TCF20: variants seen among roughly 807,000 people sequenced by gnomAD.
TCF20 encodes transcription factor 20, also known as SPRE-binding protein.
In TCF20, 3 loss-of-function variants were observed where a neutral mutation model predicts 148.6. The ratio of observed to expected loss-of-function variants is 0.02; its 90% confidence interval spans 0.01 to 0.05. TCF20 has a LOEUF of 0.05. TCF20 is among the 10% of genes least tolerant of loss of function. The pLI is 1.00. For synonymous variants in TCF20, 1,049 were observed against 909.5 expected, an observed-to-expected ratio of 1.15 and a Z score of -2.76; for missense variants, 2,350 against 2,429.3, an observed-to-expected ratio of 0.97 and a Z score of 0.69.
chr22:42,171,538 T>C (rs1411060150), intron 3 of TCF20, among the ~76,000 whole-genome samples: 1 of 152,196 alleles, frequency 6.6e-6, no homozygotes, highest in Non-Finnish European at 1.5e-5. Flanking sequence ...GCAGCCTTCT[T>C]GGCTCCGTGG....
intron 2 of TCF20, among the ~76,000 whole-genome samples, chr22:42,185,681 C>CT (rs770350558): frequency 7.9e-5 from 12 of 152,192 alleles, no homozygotes; most frequent in Non-Finnish European, 1.5e-4. Context: ...ACTCTGCATC[C>CT]TATCAAGCTT....
At chr22:42,232,852 CAAAT>C (rs956766997) in intron 1 of TCF20, among the ~76,000 whole-genome samples, 3 of 145,106 alleles carry the variant, frequency 2.1e-5, no homozygotes, top group Non-Finnish European at 3.1e-5. Context: ...AATTTTAAAA[CAAAT>C]AAAATTTAAA....
intron 2 of TCF20, among the ~76,000 whole-genome samples, chr22:42,182,276 T>C (rs957131664): frequency 1.3e-5 from 2 of 152,180 alleles, no homozygotes; most frequent in Non-Finnish European, 2.9e-5. Flanking sequence ...CCTACAGACG[T>C]GGGACTAATA....
Position 42,209,720 on chromosome 22 carries a change from G to A in TCF20, c.5586C>T (p.Ala1862=), listed in dbSNP as rs750038982. 16 of 1,614,140 alleles carry A rather than the reference G, an allele frequency of 9.9e-6. No homozygotes were observed. In the Admixed American group the frequency reaches 2.5e-4, roughly 25 times the overall value. The change falls in exon 2 of 6, where the codon GCC becomes GCT. Residue 1862 remains alanine (A), a synonymous_variant. Transcript: ENST00000677622. ...FWVHEGCILW[A]NGIYLVCGRL... is the part of the protein sequence containing the mutation. ...TGCCACAAACCAGGTAGATTCCATT[G>A]GCCCAGAGAATACAACCCTCATGGA...
intron 1 of TCF20, among the ~76,000 whole-genome samples, chr22:42,319,749 C>T (rs919404107): frequency 1.3e-5 from 2 of 152,174 alleles, no homozygotes; most frequent in Non-Finnish European, 2.9e-5. Context: ...AGCCCTTCTT[C>T]ACACCCTGCA....
rs772527561 is a variant in TCF20, at chr22:42,210,372, G to A, written c.4934C>T (p.Ala1645Val). Reference sequence around the variant, plus strand: ...CTCAGCATTGATGATTGTACAAACGGCTCCAAGTTCACACTTATTTACTAC... The same window carrying A: ...CTCAGCATTGATGATTGTACAAACGACTCCAAGTTCACACTTATTTACTAC... ...IHVVNKCELG[A>V]VCTIINAEEE... The change falls in exon 2 of 6, where the codon GCC becomes GTC. Residue 1645 changes from alanine (A) to valine (V), a missense_variant. Around this residue, in one of 7 missense-constraint regions of TCF20, gnomAD observed 374 missense variants for 398.3 expected, o/e 0.94. Coordinates refer to ENST00000677622, the MANE Select transcript of TCF20 (RefSeq NM_001378418.1). This position sits in a 1 kb window ranked among gnomAD's most constrained non-coding sequence, Gnocchi z 4.7. 46 of 1,614,144 alleles carry A rather than the reference G, an allele frequency of 2.8e-5. No homozygotes were observed. The highest frequency in any genetic ancestry group is 3.6e-5 in the Non-Finnish European group (43 of 1,180,040).
chr22:42,320,173 C>T (rs1190722142), intron 1 of TCF20, among the ~76,000 whole-genome samples: 1 of 152,246 alleles, frequency 6.6e-6, no homozygotes, highest in Non-Finnish European at 1.5e-5. Flanking sequence ...AGTCACCCGC[C>T]TTCTGGCTGT....
chr22:42,250,918 G>C (rs1469970739), intron 1 of TCF20, among the ~76,000 whole-genome samples: 1 of 152,202 alleles, frequency 6.6e-6, no homozygotes, highest in Non-Finnish European at 1.5e-5. Context: ...CTGAGCAAGA[G>C]AGAGTGTGAG....
intron 5 of TCF20, among the ~76,000 whole-genome samples, chr22:42,165,838 G>A (rs1475839254): frequency 6.6e-6 from 1 of 152,212 alleles, no homozygotes; most frequent in Non-Finnish European, 1.5e-5. Context: ...AGAAGAAACC[G>A]AAGTACAGAG....
rs1920925531 is a variant in TCF20, at chr22:42,209,737, C to T, written c.5569G>A (p.Gly1857Ser). 1.9e-6 allele frequency: 3 copies of T among 1,614,074 alleles called. No individual in the cohort carries two copies. The highest frequency in any genetic ancestry group is 1.3e-5 in the African/African-American group (1 of 74,930). The change falls in exon 2 of 6, where the codon GGT becomes AGT. Residue 1857 changes from glycine (G) to serine (S), a missense_variant. By Grantham distance (56) the Gly-to-Ser change is moderately conservative. Around this residue, in one of 7 missense-constraint regions of TCF20, gnomAD observed 374 missense variants for 398.3 expected, o/e 0.94. Coordinates refer to ENST00000677622, the MANE Select transcript of TCF20 (RefSeq NM_001378418.1). ...LDSNEFWVHE[G>S]CILWANGIYL... ...ATTCCATTGGCCCAGAGAATACAACCCTCATGGACCCAAAATTCATTGCTG... is the reference window on the plus strand; with the variant it reads ...ATTCCATTGGCCCAGAGAATACAACTCTCATGGACCCAAAATTCATTGCTG...
intron 1 of TCF20, among the ~76,000 whole-genome samples, chr22:42,306,814 G>A (rs1200740153): frequency 2.0e-5 from 3 of 152,060 alleles, no homozygotes; most frequent in Admixed American, 6.5e-5. Flanking sequence ...CAAGGTGGGC[G>A]GATCACCTGA....
intron 1 of TCF20, among the ~76,000 whole-genome samples, chr22:42,320,301 G>GC (rs1253444496): frequency 1.3e-5 from 2 of 152,172 alleles, no homozygotes; most frequent in East Asian, 3.9e-4. Flanking sequence ...GCAGGATGGA[G>GC]CCGTACAGCC....
At chr22:42,314,165 G>A (rs1376215948) in intron 1 of TCF20, among the ~76,000 whole-genome samples, 1 of 152,258 alleles carries the variant, frequency 6.6e-6, no homozygotes, top group Non-Finnish European at 1.5e-5. Flanking sequence ...CCAGGGCAGA[G>A]AGAAGACATC....
chr22:42,276,948 G>C (rs1926793358), intron 1 of TCF20: 1 of 152,174 alleles, frequency 6.6e-6, no homozygotes, highest in African/African-American at 2.4e-5. Context: ...TCCAAAGCCG[G>C]TTTTAACTTT....
chr22:42,241,594 G>A (rs368483427), intron 1 of TCF20, among the ~76,000 whole-genome samples: 10 of 152,064 alleles, frequency 6.6e-5, no homozygotes, highest in African/African-American at 2.4e-4. Flanking sequence ...TGGGAGGCTG[G>A]GGCAGGTGGC....
chr22:42,334,973 G>A (rs752501507), intron 1 of TCF20, among the ~76,000 whole-genome samples: 1 of 152,060 alleles, frequency 6.6e-6, no homozygotes, highest in African/African-American at 2.4e-5. Context: ...ACCCCATCCC[G>A]TGTCTCAGGC....
chr22:42,236,299 G>T lies in TCF20; in HGVS notation c.-36-20958C>A, dbSNP rs1304608553. On this transcript the variant is annotated intron_variant, in intron 1 of 5. Transcript: ENST00000677622. Reference sequence around the variant, plus strand: ...ACACAATAAATAACTACTGATTGGTGTAACAGCACTCTGTGACAGGTAATT... The same window carrying T: ...ACACAATAAATAACTACTGATTGGTTTAACAGCACTCTGTGACAGGTAATT... Among the ~76,000 whole-genome samples, 8 of 152,194 alleles carry T rather than the reference G, an allele frequency of 5.3e-5. No homozygotes were observed. In the East Asian group the frequency reaches 1.5e-3, roughly 29 times the overall value.
chr22:42,277,395 A>G (rs1472919604), intron 1 of TCF20, among the ~76,000 whole-genome samples: 1 of 152,250 alleles, frequency 6.6e-6, no homozygotes, highest in Non-Finnish European at 1.5e-5. Flanking sequence ...GATACAAATT[A>G]GTAAGAAAGT....
At chr22:42,323,998 G>GTTA (rs1927805878) in intron 1 of TCF20, among the ~76,000 whole-genome samples, 1 of 140,034 alleles carries the variant, frequency 7.1e-6, no homozygotes, top group African/African-American at 2.8e-5. Context: ...GGTGGTGGAG[G>GTTA]TGGTGGCGGA....
Sources: gnomAD v4.1 joint callset for allele counts (sites outside exome capture counted in the v4.1 genomes callset) on GRCh38, gnomAD v4.1.1 for gene constraint, gnomAD v4.1.1 regional missense constraint, Gnocchi (gnomAD v3.1) non-coding constraint, MANE v1.5 for transcripts, NCBI Gene and HGNC (gene_info 2026-07-23, HGNC 2026-07-21) for gene names.